Variants in FCRL3 observed in about 807,000 individuals in gnomAD.
The protein encoded by FCRL3 is Fc receptor like 3.
FCRL3 carries 89 observed loss-of-function variants against 75.0 expected under a neutral mutation model. The observed-to-expected ratio is 1.19, with a 90% confidence interval of 1.00 to 1.42. The LOEUF is 1.42. Ranked by LOEUF, FCRL3 falls within the 40% of genes most tolerant of loss-of-function variation. FCRL3 has a pLI of 0.00. For synonymous variants in FCRL3, 376 were observed against 348.5 expected (o/e 1.08, Z -0.88); for missense variants, 946 against 880.0 (o/e 1.07, Z -0.95).
At chr1:157,689,082 C>T (rs1655345591) in intron 10 of FCRL3, among the ~76,000 whole-genome samples, 1 of 152,106 alleles carries the variant, frequency 6.6e-6, no homozygotes, top group Non-Finnish European at 1.5e-5. Context: ...TGAATACTTT[C>T]CCCCTAAGAT....
chr1:157,690,432 G>T lies in FCRL3; in HGVS notation c.1513C>A (p.Pro505Thr), dbSNP rs149831176. ...TCGTGATAAAACCAGTACAGGATCG[G>T]GAAGGAGCCTCTCAGGGACTCACAG... ...LHCESLRGSF[P>T]ILYWFYHEDD... Residue 505 changes from proline to threonine, a missense_variant, in exon 9 of 15, where the codon CCG becomes ACG. Physicochemically the swap from Pro to Thr is conservative, Grantham distance 38. Transcript: ENST00000368184. 42 of 1,614,120 alleles carry T rather than the reference G, an allele frequency of 2.6e-5. No homozygotes were observed. Among genetic ancestry groups the T allele is most frequent in the Non-Finnish European group, 3.4e-5 (40 of 1,180,060 alleles).
chr1:157,691,250 T>G (rs1655524601), intron 8 of FCRL3, among the ~76,000 whole-genome samples: 1 of 152,160 alleles, frequency 6.6e-6, no homozygotes, highest in African/African-American at 2.4e-5. Context: ...AATGAACAAT[T>G]AAAGAAATGG....
chr1:157,678,601 G>A lies in FCRL3; in HGVS notation c.*109C>T. Reference sequence around the variant, plus strand: ...TTTGCTCAGCCTCACATACCCTGCAGCCCAGCCTCGTAGGAGGCAGAGTCT... The same window carrying A: ...TTTGCTCAGCCTCACATACCCTGCAACCCAGCCTCGTAGGAGGCAGAGTCT... On this transcript the variant is annotated 3_prime_UTR_variant, in exon 15 of 15. Transcript: ENST00000368184. The A allele has an allele frequency of 1.9e-6, 3 of 1,550,192 alleles. No homozygotes were observed. The South Asian group carries it at 3.7e-5, about 19-fold the overall frequency.
In FCRL3 at chr1:157,681,052, C is replaced by T. The variant is rs1216035340; in HGVS notation, c.1886G>A (p.Arg629Lys). 1.9e-6 allele frequency: 3 copies of T among 1,604,280 alleles called. No individual in the cohort carries two copies. The highest frequency in any genetic ancestry group is 2.2e-5 in the South Asian group (2 of 89,220). ...GTGAGTGGGCTCTTGAGGGTCTATC[C>T]TGGAAGGCCTGGACGAGGAAGGCTC... is the stretch of plus-strand genomic sequence containing the variant. ...CQEPSSSRPS[R>K]IDPQEPTHSK... Residue 629 changes from arginine to lysine, a missense_variant, in exon 12 of 15, where the codon AGG becomes AAG. Physicochemically the swap from Arg to Lys is conservative, Grantham distance 26. Transcript: ENST00000368184.
chr1:157,691,986 T>C (rs1326053827), intron 8 of FCRL3: 3 of 152,136 alleles, frequency 2.0e-5, no homozygotes, highest in Non-Finnish European at 2.9e-5. Flanking sequence ...TAAAAAGATA[T>C]TCAGCTTTAC....
Position 157,695,603 on chromosome 1 carries a change from C to T in FCRL3, c.1137G>A (p.Pro379=), listed in dbSNP as rs61800634. 2.9e-5 allele frequency: 47 copies of T among 1,601,598 alleles called. No homozygotes were observed. The highest frequency in any genetic ancestry group is 2.9e-4 in the East Asian group (13 of 44,784). Residue 379 remains proline (P), a synonymous_variant, in exon 8 of 15, where the codon CCG becomes CCA. Transcript: ENST00000368184. The part of the protein sequence containing the change: ...STWIRVTVRI[P]VSHPVLTFRA... ...TGAAGGTGAGGACAGGGTGAGATAC[C>T]GGAACTGAAGGAGACAAAAGGGCTG...
chr1:157,695,857 C>A, intron 7 of FCRL3, 183 bp downstream of exon 7: 2 of 714,462 alleles, frequency 2.8e-6, no homozygotes, highest in East Asian at 2.8e-5. Flanking sequence ...ATTTTGCCAT[C>A]TTTCCATTTC....
chr1:157,696,906 T>G (rs1655945077), intron 6 of FCRL3: 1 of 355,654 alleles, frequency 2.8e-6, no homozygotes, highest in African/African-American at 2.1e-5. Context: ...TGTACATCTC[T>G]GTAACCCCAT....
intron 4 of FCRL3, 28 bp downstream of exon 4, chr1:157,698,356 C>A (rs1449476096): frequency 1.1e-5 from 17 of 1,613,208 alleles, no homozygotes; most frequent in Non-Finnish European, 1.4e-5. Flanking sequence ...GGTGGCTTGA[C>A]TTTAGACACT....
Position 157,697,276 on chromosome 1 carries a change from T to C in FCRL3, c.708A>G (p.Gly236=). The stretch of plus-strand genomic sequence containing the variant: ...GTCTGGGGGACCTGCTCCAGCCCAA[T>C]CCGAGGGTCTGGCTATCTCTGAAGA... The part of the protein sequence containing the change: ...FSLFRDSQTL[G]LGWSRSPRLQ... Residue 236 remains glycine (G), a synonymous_variant, in exon 6 of 15, where the codon GGA becomes GGG. Transcript: ENST00000368184. The C allele has an allele frequency of 6.2e-7, 1 of 1,612,484 alleles. No individual in the cohort carries two copies. The highest frequency in any genetic ancestry group is 8.5e-7 in the Non-Finnish European group (1 of 1,179,050).
chr1:157,689,239 A>T (rs1384766029), intron 10 of FCRL3, among the ~76,000 whole-genome samples: 1 of 152,244 alleles, frequency 6.6e-6, no homozygotes, highest in Non-Finnish European at 1.5e-5. Flanking sequence ...TGCAGACAAC[A>T]TGATCATCTA....
intron 8 of FCRL3, among the ~76,000 whole-genome samples, chr1:157,694,174 T>C (rs536052739): frequency 4.6e-5 from 7 of 152,352 alleles, no homozygotes; most frequent in African/African-American, 1.7e-4. Context: ...GGGTATGTGT[T>C]AAATACTTTT....
At chr1:157,693,206 T>G (rs1005978244) in intron 8 of FCRL3, among the ~76,000 whole-genome samples, 8 of 132,450 alleles carry the variant, frequency 6.0e-5, no homozygotes, top group Non-Finnish European at 1.2e-4. Flanking sequence ...ACCTGGGAGG[T>G]GGAGGTTGCA....
intron 10 of FCRL3, among the ~76,000 whole-genome samples, chr1:157,687,665 AAACCAACT>A (rs1438687661): frequency 6.6e-6 from 1 of 151,292 alleles, no homozygotes; most frequent in Non-Finnish European, 1.5e-5. Context: ...CCATAATCAT[AAACCAACT>A]AACACAAGAA....
chr1:157,700,259 C>A (rs1656229963), intron 2 of FCRL3, among the ~76,000 whole-genome samples, 200 bp downstream of exon 2: 1 of 152,108 alleles, frequency 6.6e-6, no homozygotes, highest in Non-Finnish European at 1.5e-5. Flanking sequence ...GGTGAGAAAC[C>A]AAGGTCAGGA....
intron 8 of FCRL3, 134 bp from the exon 9 acceptor site, chr1:157,690,667 G>T: frequency 1.8e-6 from 2 of 1,093,752 alleles, no homozygotes; most frequent in Non-Finnish European, 2.6e-6. Context: ...CTTCAATCCT[G>T]TCTCTATCCT....
intron 9 of FCRL3, 58 bp from the exon 10 acceptor site, chr1:157,689,975 A>G: frequency 6.2e-7 from 1 of 1,605,674 alleles, no homozygotes; most frequent in Non-Finnish European, 8.5e-7. Context: ...TACAGACAAA[A>G]TCATGCAAGT....
chr1:157,676,617 A>C lies in FCRL3; in HGVS notation c.*2093T>G. On this transcript the variant is annotated 3_prime_UTR_variant, in exon 15 of 15. Transcript: ENST00000368184. ...ACTGCATGAGAATAATTCATTTTAC[A>C]GGGCAATCAATCAGAATTTGCACAT... is the stretch of plus-strand genomic sequence containing the variant. The C allele has an allele frequency of 8.7e-7, 1 of 1,149,548 alleles. No individual in the cohort carries two copies. The highest frequency in any genetic ancestry group is 1.3e-6 in the Non-Finnish European group (1 of 795,980). 71.2% of individuals were successfully genotyped at this position (1,149,548 alleles called of 1,614,324 possible).
intron 8 of FCRL3, 111 bp downstream of exon 8, chr1:157,695,218 G>C: frequency 9.0e-7 from 1 of 1,108,284 alleles, no homozygotes; most frequent in Non-Finnish European, 1.3e-6. Flanking sequence ...GAGTCAGAAA[G>C]AGTGGGAAGT....
Sources: allele counts gnomAD v4.1 joint callset (sites outside exome capture counted in the v4.1 genomes callset), GRCh38; gene constraint gnomAD v4.1.1; transcripts MANE v1.5; gene names NCBI Gene and HGNC (gene_info 2026-07-23, HGNC 2026-07-21).